Variants in EYS observed in about 807,000 individuals in gnomAD.
EYS encodes protein eyes shut homolog.
In EYS, 250 loss-of-function variants were observed where a neutral mutation model predicts 282.1. The observed-to-expected ratio is 0.89, with a 90% CI of 0.80 to 0.98. The LOEUF (loss-of-function observed/expected upper bound fraction) is 0.98. Ranked by LOEUF, EYS falls within the 50% of genes least tolerant of loss-of-function variation. EYS has a pLI of 0.00. For synonymous variants in EYS, 1,355 were observed against 1,282.9 expected (o/e 1.06, Z -1.20); for missense variants, 4,016 against 3,709.0 (o/e 1.08, Z -2.15).
At chr6:64,143,357 A>AT (rs1774403648) in intron 31 of EYS, among the ~76,000 whole-genome samples, 1 of 6,418 alleles carries the variant, frequency 1.6e-4, no homozygotes, top group Non-Finnish European at 2.9e-4. Flanking sequence ...CATTTATTGT[A>AT]AAAAAAAAAA....
chr6:64,565,703 A>T (rs1765543940), intron 26 of EYS, among the ~76,000 whole-genome samples: 1 of 152,124 alleles, frequency 6.6e-6, no homozygotes, highest in South Asian at 2.1e-4. Flanking sequence ...CATGATGGTT[A>T]TAGTTGATAA....
chr6:63,984,737 T>C (rs1767277282), intron 34 of EYS, 134 bp from the exon 35 acceptor site: 1 of 721,416 alleles, frequency 1.4e-6, no homozygotes, highest in African/African-American at 1.8e-5. Flanking sequence ...TATTGTTGGC[T>C]AGTTTTGTCA....
intron 35 of EYS, among the ~76,000 whole-genome samples, chr6:63,873,026 TA>T (rs1772854862): frequency 6.6e-6 from 1 of 152,104 alleles, no homozygotes. Context: ...TATTATACTT[TA>T]AATTCTAGGG....
intron 31 of EYS, among the ~76,000 whole-genome samples, chr6:64,198,241 T>C (rs1000566961): frequency 3.3e-5 from 5 of 151,420 alleles, no homozygotes; most frequent in Non-Finnish European, 7.4e-5. Context: ...TCTCCTGACC[T>C]CGTGATCCTC....
intron 29 of EYS, among the ~76,000 whole-genome samples, chr6:64,351,453 C>T (rs79113125): frequency 6.6e-6 from 1 of 151,376 alleles, no homozygotes; most frequent in Non-Finnish European, 1.5e-5. Flanking sequence ...ATCTATCAAT[C>T]ATCTATCTAC....
At chr6:65,602,366 T>C (rs1297508408) in intron 2 of EYS, among the ~76,000 whole-genome samples, 1 of 151,950 alleles carries the variant, frequency 6.6e-6, no homozygotes, top group Non-Finnish European at 1.5e-5. Flanking sequence ...TATAAAAACA[T>C]GTTTTGCTCA....
chr6:64,986,801 T>A (rs1410646637), intron 14 of EYS, among the ~76,000 whole-genome samples: 2 of 151,226 alleles, frequency 1.3e-5, no homozygotes, highest in East Asian at 3.9e-4. Context: ...TCTCAGAATA[T>A]ATATATATAT....
chr6:65,489,723 C>T (rs981210818), intron 5 of EYS: 4 of 152,086 alleles, frequency 2.6e-5, no homozygotes, highest in Non-Finnish European at 5.9e-5. Flanking sequence ...TTGGAACTAA[C>T]CCAAATGTCC....
chr6:64,869,622 C>T (rs939054016), intron 19 of EYS, among the ~76,000 whole-genome samples: 3 of 151,504 alleles, frequency 2.0e-5, no homozygotes, highest in African/African-American at 7.3e-5. Flanking sequence ...GTAGAAGAAA[C>T]ATGATGAACA....
chr6:65,237,826 T>C (rs1361700640), intron 12 of EYS, among the ~76,000 whole-genome samples: 1 of 152,170 alleles, frequency 6.6e-6, no homozygotes, highest in East Asian at 1.9e-4. Flanking sequence ...GAATGATGTA[T>C]GGGTATGCAA....
At chr6:65,203,441 G>C (rs1448296112) in intron 12 of EYS, among the ~76,000 whole-genome samples, 7 of 151,930 alleles carry the variant, frequency 4.6e-5, no homozygotes, top group Non-Finnish European at 8.8e-5. Context: ...TAGCACTTAA[G>C]AAAACCTACA....
chr6:64,690,236 A>G (rs988906453), intron 22 of EYS, among the ~76,000 whole-genome samples: 1 of 152,106 alleles, frequency 6.6e-6, no homozygotes, highest in Non-Finnish European at 1.5e-5. Context: ...AATGCTCATC[A>G]TCACTGACCA....
At chr6:64,428,125 A>G (rs1002521233) in intron 28 of EYS, among the ~76,000 whole-genome samples, 10 of 152,148 alleles carry the variant, frequency 6.6e-5, no homozygotes, top group Admixed American at 5.2e-4. Context: ...TTTATCACTC[A>G]ACAATTGCCT....
At chr6:65,038,103 A>G (rs933742660) in intron 13 of EYS, among the ~76,000 whole-genome samples, 1 of 151,624 alleles carries the variant, frequency 6.6e-6, no homozygotes, top group Admixed American at 6.6e-5. Context: ...AAACAAATCT[A>G]ATAAGAAAAC....
chr6:64,329,327 A>G (rs539898983), intron 29 of EYS, among the ~76,000 whole-genome samples: 22 of 152,320 alleles, frequency 1.4e-4, no homozygotes, highest in African/African-American at 3.4e-4. Context: ...TGCCCTTGTT[A>G]GGAAGAGATT....
At chr6:64,753,088 A>G (rs992257733) in intron 22 of EYS, among the ~76,000 whole-genome samples, 3 of 152,140 alleles carry the variant, frequency 2.0e-5, no homozygotes, top group Non-Finnish European at 4.4e-5. Context: ...CCTACAAGAA[A>G]TCCTCAAAGG....
At chr6:64,319,689 A>AGATGGATGGATGGATG (rs10680189) in intron 29 of EYS, among the ~76,000 whole-genome samples, 2 of 150,618 alleles carry the variant, frequency 1.3e-5, no homozygotes, top group Non-Finnish European at 3.0e-5. Flanking sequence ...AGGCAATCTC[A>AGATGGATGGATGGATG]GATGGATGGA....
intron 35 of EYS, among the ~76,000 whole-genome samples, chr6:63,960,107 A>G (rs1765994585): frequency 6.6e-6 from 1 of 152,154 alleles, no homozygotes; most frequent in Admixed American, 6.6e-5. Flanking sequence ...AGGAAAAGTT[A>G]ATTGAAAACT....
intron 35 of EYS, among the ~76,000 whole-genome samples, chr6:63,950,901 A>G (rs1309912438): frequency 6.6e-6 from 1 of 151,490 alleles, no homozygotes; most frequent in Admixed American, 6.6e-5. Context: ...TGAACCCAAA[A>G]CTCCGGCGCC....
Sources: gnomAD v4.1 joint callset for allele counts (sites outside exome capture counted in the v4.1 genomes callset) on GRCh38, gnomAD v4.1.1 for gene constraint, MANE v1.5 for transcripts, NCBI Gene and HGNC (gene_info 2026-07-23, HGNC 2026-07-21) for gene names.